PCDH11X: variants seen among roughly 807,000 people sequenced by gnomAD.
PCDH11X encodes protocadherin 11 X-linked.
Under a neutral mutation model 53.3 loss-of-function variants are expected in PCDH11X, and 18 were observed. The ratio of observed to expected loss-of-function variants is 0.34; its 90% CI spans 0.23 to 0.50. PCDH11X has a LOEUF of 0.50. Among genes scored for constraint, PCDH11X ranks in the 20% least tolerant of loss-of-function variants. The pLI is 0.98. For missense variants in PCDH11X, 570 were observed against 1,032.4 expected (o/e 0.55, Z 6.14); for synonymous variants, 279 against 393.3 (o/e 0.71, Z 3.44).
At chrX:91,958,790 G>A (rs1000232429) in intron 6 of PCDH11X, among the ~76,000 whole-genome samples, 1 of 109,877 alleles carries the variant, frequency 9.1e-6, no homozygotes, top group Non-Finnish European at 1.9e-5. Flanking sequence ...ATCTTGGATC[G>A]TGTTTTTTGC....
chrX:92,218,104 A>C, intron 7 of PCDH11X, among the ~76,000 whole-genome samples: 1 of 111,770 alleles, frequency 8.9e-6, no homozygotes. Context: ...GGAAAGATCC[A>C]AAATTGACAC....
rs2148823999 is a variant in PCDH11X, at chrX:92,620,291, T to C, written c.*1351T>C. On this transcript the variant is annotated 3_prime_UTR_variant, in exon 11 of 11. Transcript: ENST00000682573. ...GAAACAGTACTATTCATAGAAAACA[T>C]TAGTTTTCTTCTGTTGTCTGTTATT... 9.0e-6 allele frequency: 1 copy of C among 110,744 alleles called. No individual in the cohort carries two copies. Among genetic ancestry groups the C allele is most frequent in the South Asian group, 3.9e-4 (1 of 2,595 alleles). 9.1% of individuals were successfully genotyped at this position (110,744 alleles called of 1,213,427 possible).
intron 6 of PCDH11X, among the ~76,000 whole-genome samples, chrX:92,112,231 C>T (rs1413898741): frequency 1.9e-5 from 2 of 107,136 alleles, no homozygotes; most frequent in African/African-American, 6.8e-5. Flanking sequence ...CAAGATAAGA[C>T]ATGCGTTATT....
At chrX:92,337,215 T>C (rs1283786658) in intron 8 of PCDH11X, among the ~76,000 whole-genome samples, 1 of 108,382 alleles carries the variant, frequency 9.2e-6, no homozygotes, top group African/African-American at 3.3e-5. Context: ...CATTTGTTAA[T>C]TGGCAAGCTC....
rs190964293 is a variant in PCDH11X, at chrX:92,063,249, G to A, written c.3034-138126G>A. On this transcript the variant is annotated intron_variant, in intron 6 of 10. Transcript: ENST00000682573. Reference sequence around the variant, plus strand: ...GAGAAATACCTAATGTAGATGATGGGTTGATTGGTGCAGCAAACTACCATG... The same window carrying A: ...GAGAAATACCTAATGTAGATGATGGATTGATTGGTGCAGCAAACTACCATG... Among the ~76,000 whole-genome samples the A allele has an allele frequency of 1.8e-3, 195 of 109,495 alleles. 1 individual carries two copies. Among genetic ancestry groups the A allele is most frequent in the African/African-American group, 6.1e-3 (182 of 30,015 alleles).
At chrX:91,941,746 C>T (rs1052069991) in intron 6 of PCDH11X, among the ~76,000 whole-genome samples, 9 of 110,033 alleles carry the variant, frequency 8.2e-5, no homozygotes, top group South Asian at 7.7e-4. Context: ...CAATGATAGC[C>T]GAATACGTTC....
At chrX:91,970,137 C>G (rs540707991) in intron 6 of PCDH11X, among the ~76,000 whole-genome samples, 1 of 111,004 alleles carries the variant, frequency 9.0e-6, no homozygotes, top group Middle Eastern at 4.7e-3. Context: ...ACGAATGAAG[C>G]CGCAGACCTT....
At chrX:92,348,670 G>A (rs1287350017) in intron 8 of PCDH11X, among the ~76,000 whole-genome samples, 1 of 108,842 alleles carries the variant, frequency 9.2e-6, no homozygotes, top group Admixed American at 9.9e-5. Context: ...CCAAGTAGCT[G>A]AGATTACAGG....
intron 8 of PCDH11X, among the ~76,000 whole-genome samples, chrX:92,272,712 G>A (rs1181113820): frequency 1.8e-5 from 2 of 112,151 alleles, no homozygotes; most frequent in African/African-American, 3.2e-5. Context: ...ATGAATATGT[G>A]TTGTCATTTA....
chrX:91,876,058 A>C (rs773716593), intron 5 of PCDH11X, among the ~76,000 whole-genome samples: 1 of 111,802 alleles, frequency 8.9e-6, no homozygotes, highest in Admixed American at 9.5e-5. Flanking sequence ...ATCTTGCAAA[A>C]ATTTAGTGAC....
rs770499925 is a variant in PCDH11X at position 92,603,778 on chromosome X, G to A, written c.3368-14486G>A. Among the ~76,000 whole-genome samples, 4 of 96,726 alleles carry A rather than the reference G, an allele frequency of 4.1e-5. No homozygotes were observed. In the East Asian group the frequency reaches 9.3e-4, roughly 23 times the overall value. The allele number at this position is 96,726 out of a possible 115,157, so 84.0% of individuals were successfully genotyped here. A position where few individuals can be genotyped will look rare whatever the true frequency, so the allele number is the denominator to read the frequency against. ...ATAAAATACTAAAGGAAATTCTTCC[G>A]ACTGAAAGTCAGAGAGTCAAGATAG... On this transcript the variant is annotated intron_variant, in intron 10 of 10. Transcript: ENST00000682573.
intron 8 of PCDH11X, among the ~76,000 whole-genome samples, chrX:92,305,108 C>A (rs2068797933): frequency 9.0e-6 from 1 of 111,183 alleles, no homozygotes; most frequent in Admixed American, 9.6e-5. Flanking sequence ...ACTAAGACTG[C>A]ACTTAGCACC....
chrX:92,524,574 C>T (rs1475222124), intron 10 of PCDH11X, among the ~76,000 whole-genome samples: 1 of 104,616 alleles, frequency 9.6e-6, no homozygotes, highest in Non-Finnish European at 2.0e-5. Flanking sequence ...ATTTTTGTAC[C>T]CATTAAAAAA....
At chrX:91,863,771 T>A (rs1938815895) in intron 5 of PCDH11X, among the ~76,000 whole-genome samples, 1 of 111,315 alleles carries the variant, frequency 9.0e-6, no homozygotes, top group Non-Finnish European at 1.9e-5. Context: ...TCATTTTATG[T>A]TTTTTGGTTT....
At chrX:92,275,865 C>T (rs1242021385) in intron 8 of PCDH11X, among the ~76,000 whole-genome samples, 1 of 110,064 alleles carries the variant, frequency 9.1e-6, no homozygotes, top group Non-Finnish European at 1.9e-5. Flanking sequence ...GTAAGGGGTG[C>T]ATGATCAGTC....
intron 10 of PCDH11X, among the ~76,000 whole-genome samples, chrX:92,526,989 A>G (rs1449525872): frequency 9.0e-6 from 1 of 111,652 alleles, no homozygotes; most frequent in Non-Finnish European, 1.9e-5. Flanking sequence ...AACAACACCT[A>G]TGGAACTGAA....
At chrX:92,433,834 T>TA (rs1186517564) in intron 9 of PCDH11X, among the ~76,000 whole-genome samples, 1 of 111,207 alleles carries the variant, frequency 9.0e-6, no homozygotes, top group Non-Finnish European at 1.9e-5. Flanking sequence ...TATCAAGACT[T>TA]ACAGTATGGG....
At chrX:92,300,242 G>A (rs1477529861) in intron 8 of PCDH11X, among the ~76,000 whole-genome samples, 1 of 111,203 alleles carries the variant, frequency 9.0e-6, no homozygotes, top group East Asian at 2.8e-4. Context: ...TTGAGTATGT[G>A]CCATGTGCAT....
intron 6 of PCDH11X, among the ~76,000 whole-genome samples, chrX:91,886,757 G>A (rs995563347): frequency 9.2e-6 from 1 of 109,195 alleles, no homozygotes; most frequent in Non-Finnish European, 1.9e-5. Context: ...GGATCACAAG[G>A]TCAGGAGATC....
Sources: allele counts gnomAD v4.1 joint callset (sites outside exome capture counted in the v4.1 genomes callset), GRCh38; gene constraint gnomAD v4.1.1; transcripts MANE v1.5; gene names NCBI Gene and HGNC (gene_info 2026-07-23, HGNC 2026-07-21).